Variants in FBXL5 observed in about 807,000 individuals in gnomAD.
The protein encoded by FBXL5 is F-box and leucine rich repeat protein 5.
FBXL5 carries 26 observed loss-of-function variants against 78.3 expected under a neutral mutation model. The observed-to-expected ratio is 0.33, with a 90% CI of 0.24 to 0.46. The LOEUF is 0.46. FBXL5 is among the 20% of genes least tolerant of loss of function. The pLI is 1.00. For missense variants in FBXL5, 710 were observed against 829.2 expected, an observed-to-expected ratio of 0.86 and a Z score of 1.77; for synonymous variants, 295 against 282.5, an observed-to-expected ratio of 1.04 and a Z score of -0.45.
intron 1 of FBXL5, among the ~76,000 whole-genome samples, chr4:15,647,215 T>C (rs1282964255): frequency 2.0e-5 from 1 of 50,346 alleles, no homozygotes; most frequent in Non-Finnish European, 3.4e-5. Flanking sequence ...AAAGCAAGAC[T>C]CCATCTCAAA....
chr4:15,627,167 C>T (rs2148583365), intron 7 of FBXL5, among the ~76,000 whole-genome samples: 1 of 134,414 alleles, frequency 7.4e-6, no homozygotes, highest in East Asian at 2.2e-4. Context: ...CAGAGTCTCG[C>T]TCTGTCACCC....
rs1392921955 is a variant in FBXL5, at chr4:15,625,452, A to T, written c.1650T>A (p.Phe550Leu). 1 of 1,614,082 alleles carries T rather than the reference A, an allele frequency of 6.2e-7. No individual in the cohort carries two copies. The highest frequency in any genetic ancestry group is 1.7e-5 in the Admixed American group (1 of 60,014). ...TTCTTAAAGCTGTTCCTGTACAACA[A>T]AATGAGTGACCACAATACGCAAAGG... The part of the protein sequence containing the change: ...SPAFAYCGHS[F>L]CCTGTALRTM... The change falls in exon 9 of 11, where the codon TTT (phenylalanine) becomes TTA (leucine). Residue 550 changes from phenylalanine (F) to leucine (L), a missense_variant. This residue lies in a region of FBXL5 where 517 missense variants were observed against 542.9 expected (regional missense o/e 0.95). Coordinates refer to ENST00000341285, the MANE Select transcript of FBXL5 (RefSeq NM_012161.4).
intron 10 of FBXL5, among the ~76,000 whole-genome samples, chr4:15,608,529 A>C (rs1722033508): frequency 6.6e-6 from 1 of 151,444 alleles, no homozygotes; most frequent in African/African-American, 2.4e-5. Flanking sequence ...ATTTATCACA[A>C]AACAAAGTTC....
In FBXL5 at chr4:15,630,667, A is replaced by G. The variant is rs757961605; in HGVS notation, c.891T>C (p.Ser297=). 6.3e-7 allele frequency: 1 copy of G among 1,575,472 alleles called. No homozygotes were observed. The highest frequency in any genetic ancestry group is 1.2e-5 in the South Asian group (1 of 83,608). The change falls in exon 6 of 11, where the codon TCT becomes TCC. Residue 297 remains serine, a splice_region_variant and synonymous_variant. Transcript: ENST00000341285. ...AATTTTAATTCCAAACAAGCTTACC[A>G]GATTCATCAATGTCAGCATCTTCAT... ...EWDEDADIDE[S]EESAEESIAI...
In FBXL5 at chr4:15,651,839, G is replaced by A. The variant is rs185565969; in HGVS notation, c.84+3365C>T. ...ATAACTGGTTTATATATAAGCCTGGGAATCTCTGAACTAACCACATCCTGA... is the reference window on the plus strand; with the variant it reads ...ATAACTGGTTTATATATAAGCCTGGAAATCTCTGAACTAACCACATCCTGA... On this transcript the variant is annotated intron_variant, in intron 1 of 10. Transcript: ENST00000341285. Among the ~76,000 whole-genome samples the A allele has an allele frequency of 5.9e-5, 9 of 152,236 alleles. No homozygotes were observed. In the East Asian group the frequency reaches 1.7e-3, roughly 29 times the overall value.
chr4:15,675,217 A>G (rs891760491), intron 1 of FBXL5, among the ~76,000 whole-genome samples: 1 of 152,176 alleles, frequency 6.6e-6, no homozygotes, highest in Non-Finnish European at 1.5e-5. Flanking sequence ...TTCACTTCCT[A>G]TATTTTGTTC....
In FBXL5 at chr4:15,628,785, ACACGCACACACACACACACG is replaced by A. The variant is rs1038829116; in HGVS notation, c.893-772_893-753del. On this transcript the variant is annotated intron_variant, in intron 6 of 10. Coordinates refer to ENST00000341285, the MANE Select transcript of FBXL5 (RefSeq NM_012161.4). ...TAGCCAGACACAGACACACACACAC[ACACGCACACACACACACACG>A]AAGATAAAATATAAGGAGATAAAAA... is the stretch of plus-strand genomic sequence containing the variant. Among the ~76,000 whole-genome samples, 223 of 98,230 alleles carry A rather than the reference ACACGCACACACACACACACG, an allele frequency of 2.3e-3. 3 individuals are homozygous for A. The highest frequency in any genetic ancestry group is 3.3e-3 in the Non-Finnish European group (148 of 44,446). The allele number at this position is 98,230 out of a possible 152,430, so 64.4% of individuals were successfully genotyped here.
chr4:15,614,805 C>G (rs939994640), intron 9 of FBXL5, among the ~76,000 whole-genome samples: 5 of 152,190 alleles, frequency 3.3e-5, no homozygotes, highest in Admixed American at 6.5e-5. Context: ...TGGGCCCCCA[C>G]TTTGGCGGCA....
chr4:15,636,696 C>T lies in FBXL5; in HGVS notation c.584-20G>A, dbSNP rs1443476485. On this transcript the variant is annotated intron_variant, in intron 4 of 10. Transcript: ENST00000341285. Reference sequence around the variant, plus strand: ...CTGCTTCTGAAATAAAAAAGAAAAACTTTACCAGTAAAGGCTAAAGAGCAT... The same window carrying T: ...CTGCTTCTGAAATAAAAAAGAAAAATTTTACCAGTAAAGGCTAAAGAGCAT... The T allele has an allele frequency of 2.0e-6, 3 of 1,533,914 alleles. No homozygotes were observed. Among genetic ancestry groups the T allele is most frequent in the Non-Finnish European group, 1.8e-6 (2 of 1,135,972 alleles).
chr4:15,623,774 G>A (rs771567284), intron 9 of FBXL5, among the ~76,000 whole-genome samples: 12 of 151,860 alleles, frequency 7.9e-5, no homozygotes, highest in South Asian at 4.2e-4. Context: ...CAGTTACCTC[G>A]GGGAAAACAC....
chr4:15,681,450 T>G (rs1718262917), exon 1 of FBXL5: 2 of 169,712 alleles, frequency 1.2e-5, no homozygotes, highest in African/African-American at 4.8e-5. Context: ...CAGCAGTCTC[T>G]TTTCGCTCCC....
At chr4:15,629,853 T>G (rs952281) in intron 6 of FBXL5, among the ~76,000 whole-genome samples, 2,464 of 152,280 alleles carry the variant, frequency 0.016, 65 homozygotes, top group African/African-American at 0.056. Context: ...ACCAAATTAC[T>G]TTAAGCAAGT....
chr4:15,671,610 A>G (rs1020961918), intron 1 of FBXL5, among the ~76,000 whole-genome samples: 2 of 152,020 alleles, frequency 1.3e-5, no homozygotes, highest in Non-Finnish European at 2.9e-5. Flanking sequence ...CTTGGAGTTC[A>G]TATCTTCTTG....
chr4:15,627,157 C>CA (rs1560220624), intron 7 of FBXL5, among the ~76,000 whole-genome samples: 2 of 109,330 alleles, frequency 1.8e-5, no homozygotes, highest in Non-Finnish European at 3.5e-5. Flanking sequence ...TTTTTTGAGA[C>CA]AGAGTCTCGC....
At chr4:15,675,825 C>T (rs1469556778) in intron 1 of FBXL5, among the ~76,000 whole-genome samples, 2 of 152,042 alleles carry the variant, frequency 1.3e-5, no homozygotes, top group Admixed American at 6.6e-5. Context: ...TCAGATGATC[C>T]GCCTGCCTCG....
chr4:15,625,794 A>G lies in FBXL5; in HGVS notation c.1308T>C (p.Ile436=). Residue 436 remains isoleucine, a synonymous_variant, in exon 9 of 11, where the codon ATT becomes ATC. Transcript: ENST00000341285. The stretch of plus-strand genomic sequence containing the variant: ...CATACTGCTTGGTGGACTGCATGGT[A>G]ATGTCTTTATTTTTCCACGCAGTTG... ...ITSTAWKNKD[I]TMQSTKQYAC... is the part of the protein sequence containing the mutation. 6.2e-7 allele frequency: 1 copy of G among 1,614,154 alleles called. No homozygotes were observed. Among genetic ancestry groups the G allele is most frequent in the Non-Finnish European group, 8.5e-7 (1 of 1,180,010 alleles).
chr4:15,645,826 T>C (rs1715296292), intron 1 of FBXL5, among the ~76,000 whole-genome samples: 1 of 152,222 alleles, frequency 6.6e-6, no homozygotes, highest in South Asian at 2.1e-4. Flanking sequence ...TTAGCTATTA[T>C]CATTTTGAAA....
Position 15,623,973 on chromosome 4 carries a change from C to T in FBXL5, c.1850+1279G>A, listed in dbSNP as rs555641643. Among the ~76,000 whole-genome samples, 3 of 152,092 alleles carry T rather than the reference C, an allele frequency of 2.0e-5. No individual in the cohort carries two copies. The South Asian group carries it at 6.2e-4, about 32-fold the overall frequency. On this transcript the variant is annotated intron_variant, in intron 9 of 10. Transcript: ENST00000341285. ...GAGTAGCTGGGACTACAGGTGCCCGCCACCGTGCCCGGCTAATTTTTTTTT... is the reference window on the plus strand; with the variant it reads ...GAGTAGCTGGGACTACAGGTGCCCGTCACCGTGCCCGGCTAATTTTTTTTT...
Position 15,625,416 on chromosome 4 carries a change from T to G in FBXL5, c.1686A>C (p.Ser562=), listed in dbSNP as rs749155444. 4 of 1,613,942 alleles carry G rather than the reference T, an allele frequency of 2.5e-6. No homozygotes were observed. The African/African-American group carries it at 5.3e-5, about 22-fold the overall frequency. Residue 562 remains serine (S), a synonymous_variant, in exon 9 of 11, where the codon TCA becomes TCC. Transcript: ENST00000341285. The stretch of plus-strand genomic sequence containing the variant: ...TACACATTGCAGAAGATTCTGGGAG[T>G]GATGACATAGTTCTTAAAGCTGTTC... ...CTGTALRTMS[S]LPESSAMCRK...
Sources: allele counts gnomAD v4.1 joint callset (sites outside exome capture counted in the v4.1 genomes callset), GRCh38; gene constraint gnomAD v4.1.1; regional missense constraint gnomAD v4.1.1; transcripts MANE v1.5; gene names NCBI Gene and HGNC (gene_info 2026-07-23, HGNC 2026-07-21).